Variants in PPP1R35 observed in about 807,000 individuals in gnomAD.
The protein encoded by PPP1R35 is protein phosphatase 1 regulatory subunit 35, also known as UPF0683 protein C7orf47.
A neutral mutation model predicts 22.2 loss-of-function variants in PPP1R35; 23 were observed. The ratio of observed to expected loss-of-function variants is 1.04; its 90% CI spans 0.75 to 1.47. The LOEUF (loss-of-function observed/expected upper bound fraction) is 1.47. Ranked by LOEUF, PPP1R35 falls within the 40% of genes most tolerant of loss-of-function variation. The pLI is 0.00. For synonymous variants in PPP1R35, 198 were observed against 165.7 expected (o/e 1.19, Z -1.50); for missense variants, 409 against 349.6 (o/e 1.17, Z -1.36).
intron 2 of PPP1R35, 27 bp downstream of exon 2, chr7:100,435,821 A>T: frequency 6.4e-7 from 1 of 1,569,852 alleles, no homozygotes; most frequent in Non-Finnish European, 8.6e-7. Flanking sequence ...CGACTCCCGC[A>T]CGCGGCCGGC....
chr7:100,436,685 A>G (rs1584332918), upstream of PPP1R35: 2 of 266,386 alleles, frequency 7.5e-6, no homozygotes, highest in East Asian at 1.3e-4. Flanking sequence ...AGTGTTTTTG[A>G]GCTGGGGTCG....
Position 100,436,472 on chromosome 7 carries a change from C to G in PPP1R35, c.-98G>C. The G allele has an allele frequency of 1.1e-6, 1 of 886,364 alleles. No homozygotes were observed. The highest frequency in any genetic ancestry group is 2.1e-5 in the South Asian group (1 of 47,864). The allele number at this position is 886,364 out of a possible 1,614,324, so 54.9% of individuals were successfully genotyped here. A position where few individuals can be genotyped will look rare whatever the true frequency, so the allele number is the denominator to read the frequency against. ...CTGCCGCCTCCTTTCCCCCGCCCCT[C>G]CTAGACGCCGCTACCGGAAACCGTT... On this transcript the variant is annotated 5_prime_UTR_variant, in exon 1 of 4. Coordinates refer to ENST00000292330, the MANE Select transcript of PPP1R35 (RefSeq NM_145030.4).
chr7:100,435,778 A>G lies in PPP1R35; in HGVS notation c.452-11T>C, dbSNP rs1798861804. ...GCGGCACGTTCAGCCCTGAGAGCGC[A>G]GCGGGGACGGAGGTGAGTGGCGCGC... On this transcript the variant is annotated splice_polypyrimidine_tract_variant and intron_variant, in intron 2 of 3. Coordinates refer to ENST00000292330, the MANE Select transcript of PPP1R35 (RefSeq NM_145030.4). 6.3e-7 allele frequency: 1 copy of G among 1,594,760 alleles called. No homozygotes were observed. Among genetic ancestry groups the G allele is most frequent in the African/African-American group, 1.3e-5 (1 of 74,812 alleles).
At position 100,435,340 on chromosome 7, in the gene PPP1R35, C is replaced by T. The variant is rs1294927842; in HGVS notation, c.*20G>A. ...GTTTAACACAAAAATACGAACTAGC[C>T]CTCCAGGGATCTTTGGGGTCTACGC... On this transcript the variant is annotated 3_prime_UTR_variant, in exon 4 of 4. Coordinates refer to ENST00000292330, the MANE Select transcript of PPP1R35 (RefSeq NM_145030.4). The T allele has an allele frequency of 1.3e-6, 2 of 1,567,734 alleles. No individual in the cohort carries two copies. The highest frequency in any genetic ancestry group is 2.3e-5 in the East Asian group (1 of 44,350).
rs769747688 is a variant in PPP1R35 at position 100,435,500 on chromosome 7, A to C, written c.622T>G (p.Leu208Val). The part of the protein sequence containing the change: ...PPGPGPDMTI[L>V]CDPETLFYES... ...TAAAATAGCGTTTCTGGGTCACACAAGATGGTCATGTCTGGCCCAGGCCCA... is the reference window on the plus strand; with the variant it reads ...TAAAATAGCGTTTCTGGGTCACACACGATGGTCATGTCTGGCCCAGGCCCA... The change falls in exon 4 of 4, where the codon TTG becomes GTG. Residue 208 changes from leucine to valine, a missense_variant. Coordinates refer to ENST00000292330, the MANE Select transcript of PPP1R35 (RefSeq NM_145030.4). The C allele has an allele frequency of 6.2e-7, 1 of 1,614,144 alleles. No individual in the cohort carries two copies. The highest frequency in any genetic ancestry group is 8.5e-7 in the Non-Finnish European group (1 of 1,180,016).
In PPP1R35 at chr7:100,436,160, GCGCCCCGCCGCTC is replaced by G; in HGVS notation, c.202_214del (p.Glu68ArgfsTer12). The G allele has an allele frequency of 8.0e-7, 1 of 1,243,302 alleles. No individual in the cohort carries two copies. The highest frequency in any genetic ancestry group is 1.0e-6 in the Non-Finnish European group (1 of 997,990). The allele number at this position is 1,243,302 out of a possible 1,614,324, so 77.0% of individuals were successfully genotyped here. On this transcript the variant is annotated frameshift_variant, in exon 1 of 4. Coordinates refer to ENST00000292330, the MANE Select transcript of PPP1R35 (RefSeq NM_145030.4). LOFTEE classifies it high-confidence loss of function. Reference sequence around the variant, plus strand: ...GCTCACCTGCCGCCGCTGCCGAGCCGCGCCCCGCCGCTCCGCCCGCCCCTTCCGCCGCCCGGGG... The same window carrying G: ...GCTCACCTGCCGCCGCTGCCGAGCCGCGCCCGCCCCTTCCGCCGCCCGGGG...
chr7:100,435,681 T>G lies in PPP1R35; in HGVS notation c.538A>C (p.Arg180=). The change falls in exon 3 of 4, where the codon AGG becomes CGG. Residue 180 remains arginine (R), a synonymous_variant. Coordinates refer to ENST00000292330, the MANE Select transcript of PPP1R35 (RefSeq NM_145030.4). ...GGCGGCAGGAGAGCCAATTTCTCCC[T>G]GAGCGCGGCATTCAGAACCTGTTCC... ...PEEQVLNAAL[R]EKLALLPPQA... 6.2e-7 allele frequency: 1 copy of G among 1,609,738 alleles called. No homozygotes were observed. Among genetic ancestry groups the G allele is most frequent in the Non-Finnish European group, 8.5e-7 (1 of 1,178,940 alleles).
chr7:100,436,134 C>A lies in PPP1R35; in HGVS notation c.234+7G>T. On this transcript the variant is annotated splice_region_variant and intron_variant, in intron 1 of 3. Transcript: ENST00000292330. ...TCGCGGGCCGGGGGCCAGCCTCCCC[C>A]GCTCACCTGCCGCCGCTGCCGAGCC... 2.3e-6 allele frequency: 3 copies of A among 1,305,618 alleles called. No individual in the cohort carries two copies. Among genetic ancestry groups the A allele is most frequent in the East Asian group, 3.2e-5 (1 of 31,692 alleles). 80.9% of individuals were successfully genotyped at this position (1,305,618 alleles called of 1,614,324 possible). A position where few individuals can be genotyped will look rare whatever the true frequency, so the allele number is the denominator to read the frequency against.
In PPP1R35 at chr7:100,435,988, G is replaced by C; in HGVS notation, c.311C>G (p.Pro104Arg). The change falls in exon 2 of 4, where the codon CCC becomes CGC. Residue 104 changes from proline to arginine, a missense_variant. Transcript: ENST00000292330. ...QPAVPQELEM[P>R]VLKSSLALGL... is the part of the protein sequence containing the mutation. ...CAAGGCCAGGCTGCTCTTCAGCACG[G>C]GCATCTCCAGCTCCTGCGGCACCGC... 1 of 1,564,778 alleles carries C rather than the reference G, an allele frequency of 6.4e-7. No individual in the cohort carries two copies. Among genetic ancestry groups the C allele is most frequent in the Middle Eastern group, 1.7e-4 (1 of 5,782 alleles).
In PPP1R35 at chr7:100,436,163, C is replaced by A; in HGVS notation, c.212G>T (p.Gly71Val). Reference sequence around the variant, plus strand: ...CACCTGCCGCCGCTGCCGAGCCGCGCCCCGCCGCTCCGCCCGCCCCTTCCG... The same window carrying A: ...CACCTGCCGCCGCTGCCGAGCCGCGACCCGCCGCTCCGCCCGCCCCTTCCG... Reference protein sequence around the residue: ...GRRKGRAERRGAARQRRQVRF... With the variant: ...GRRKGRAERRVAARQRRQVRF... The change falls in exon 1 of 4, where the codon GGC (glycine) becomes GTC (valine). Residue 71 changes from glycine (G) to valine (V), a missense_variant. Physicochemically the swap from Gly to Val is moderately radical, Grantham distance 109. Coordinates refer to ENST00000292330, the MANE Select transcript of PPP1R35 (RefSeq NM_145030.4). The A allele has an allele frequency of 8.1e-7, 1 of 1,235,202 alleles. No homozygotes were observed. The highest frequency in any genetic ancestry group is 1.0e-6 in the Non-Finnish European group (1 of 993,340). The allele number at this position is 1,235,202 out of a possible 1,614,324, so 76.5% of individuals were successfully genotyped here.
Position 100,436,351 on chromosome 7 carries a change from T to C in PPP1R35, c.24A>G (p.Ser8=). 1 of 1,430,254 alleles carries C rather than the reference T, an allele frequency of 7.0e-7. No individual in the cohort carries two copies. Among genetic ancestry groups the C allele is most frequent in the Non-Finnish European group, 9.2e-7 (1 of 1,085,244 alleles). The allele number at this position is 1,430,254 out of a possible 1,614,324, so 88.6% of individuals were successfully genotyped here. A position where few individuals can be genotyped will look rare whatever the true frequency, so the allele number is the denominator to read the frequency against. The part of the protein sequence containing the change: MMMGCGE[S]ELKSADGEEA... ...CTTCCCCGTCCGCCGACTTCAGCTC[T>C]GACTCCCCACAACCCATCATCATCT... Residue 8 remains serine (S), a synonymous_variant, in exon 1 of 4, where the codon TCA becomes TCG. Coordinates refer to ENST00000292330, the MANE Select transcript of PPP1R35 (RefSeq NM_145030.4).
rs764953358 is a variant in PPP1R35, at chr7:100,435,879, G to T, written c.420C>A (p.Ile140=). The change falls in exon 2 of 4, where the codon ATC becomes ATA. Residue 140 remains isoleucine, a synonymous_variant. Transcript: ENST00000292330. Reference sequence around the variant, plus strand: ...ACACGCTCTCCTCCAGGCCGCAGCGGATCTGGAACGACTTTCTCAGCTGTT... The same window carrying T: ...ACACGCTCTCCTCCAGGCCGCAGCGTATCTGGAACGACTTTCTCAGCTGTT... The part of the protein sequence containing the change: ...VEEQLRKSFQ[I]RCGLEESVSE... 6.3e-7 allele frequency: 1 copy of T among 1,598,026 alleles called. No individual in the cohort carries two copies. The highest frequency in any genetic ancestry group is 1.3e-5 in the African/African-American group (1 of 74,934).
upstream of PPP1R35, chr7:100,436,587 C>T: frequency 2.5e-6 from 1 of 402,200 alleles, no homozygotes; most frequent in Non-Finnish European, 4.4e-6. Flanking sequence ...CCCAGGTTTC[C>T]GGCAGGCTTC....
Position 100,435,837 on chromosome 7 carries a change from G to C in PPP1R35, c.451+11C>G. 6.3e-7 allele frequency: 1 copy of C among 1,580,908 alleles called. No individual in the cohort carries two copies. Among genetic ancestry groups the C allele is most frequent in the Non-Finnish European group, 8.5e-7 (1 of 1,169,806 alleles). On this transcript the variant is annotated intron_variant, in intron 2 of 3. Transcript: ENST00000292330. ...GACTCCCGCACGCGGCCGGCCGCCCGCCCCCCTCACCCTCGGACACGCTCT... is the reference window on the plus strand; with the variant it reads ...GACTCCCGCACGCGGCCGGCCGCCCCCCCCCCTCACCCTCGGACACGCTCT...
Position 100,435,709 on chromosome 7 carries a change from C to T in PPP1R35, c.510G>A (p.Pro170=), listed in dbSNP as rs960112418. 6.9e-6 allele frequency: 11 copies of T among 1,605,084 alleles called. No individual in the cohort carries two copies. Among genetic ancestry groups the T allele is most frequent in the Non-Finnish European group, 8.5e-6 (10 of 1,177,622 alleles). Residue 170 remains proline (P), a synonymous_variant, in exon 3 of 4, where the codon CCG becomes CCA. Transcript: ENST00000292330. ...LFRDLVSLQV[P]EEQVLNAALR... ...GCGCGGCATTCAGAACCTGTTCCTC[C>T]GGCACCTGCAGGCTCACCAGGTCCC...
chr7:100,435,617 C>T lies in PPP1R35; in HGVS notation c.588+14G>A. 1 of 1,613,682 alleles carries T rather than the reference C, an allele frequency of 6.2e-7. No individual in the cohort carries two copies. ...GGGGTACATGGAGGAAGCCCCACGC[C>T]CAGACCCCATCACCTTTGGGTGCGG... is the stretch of plus-strand genomic sequence containing the variant. On this transcript the variant is annotated intron_variant, in intron 3 of 3. Coordinates refer to ENST00000292330, the MANE Select transcript of PPP1R35 (RefSeq NM_145030.4).
At position 100,436,433 on chromosome 7, in the gene PPP1R35, G is replaced by A. The variant is rs1473147657; in HGVS notation, c.-59C>T. On this transcript the variant is annotated 5_prime_UTR_variant, in exon 1 of 4. Coordinates refer to ENST00000292330, the MANE Select transcript of PPP1R35 (RefSeq NM_145030.4). ...GGGTCGCAGACGCTCCAACGGTCAGGGGACACAGCCTGGCTGCCGCCTCCT... is the reference window on the plus strand; with the variant it reads ...GGGTCGCAGACGCTCCAACGGTCAGAGGACACAGCCTGGCTGCCGCCTCCT... 26 of 1,292,378 alleles carry A rather than the reference G, an allele frequency of 2.0e-5. No homozygotes were observed. Among genetic ancestry groups the A allele is most frequent in the Non-Finnish European group, 2.7e-5 (26 of 965,680 alleles). The allele number at this position is 1,292,378 out of a possible 1,614,324, so 80.1% of individuals were successfully genotyped here. A position where few individuals can be genotyped will look rare whatever the true frequency, so the allele number is the denominator to read the frequency against.
In PPP1R35 at chr7:100,436,292, G is replaced by T; in HGVS notation, c.83C>A (p.Pro28His). Reference protein sequence around the residue: ...AAAVPGPPPEPQVPQLRAPVP... With the variant: ...AAAVPGPPPEHQVPQLRAPVP... ...TGGGGCTCGGAGTTGCGGGACTTGGGGCTCCGGGGGTGGCCCCGGGACCGC... is the reference window on the plus strand; with the variant it reads ...TGGGGCTCGGAGTTGCGGGACTTGGTGCTCCGGGGGTGGCCCCGGGACCGC... The change falls in exon 1 of 4, where the codon CCC becomes CAC. Residue 28 changes from proline to histidine, a missense_variant. Pro to His is a moderately conservative substitution (Grantham distance 77, BLOSUM62 -2). Coordinates refer to ENST00000292330, the MANE Select transcript of PPP1R35 (RefSeq NM_145030.4). The T allele has an allele frequency of 2.9e-6, 4 of 1,368,396 alleles. No individual in the cohort carries two copies. Among genetic ancestry groups the T allele is most frequent in the Non-Finnish European group, 2.8e-6 (3 of 1,053,108 alleles). 84.8% of individuals were successfully genotyped at this position (1,368,396 alleles called of 1,614,324 possible).
At position 100,436,404 on chromosome 7, in the gene PPP1R35, G is replaced by T; in HGVS notation, c.-30C>A. 3 of 1,469,036 alleles carry T rather than the reference G, an allele frequency of 2.0e-6. No homozygotes were observed. Among genetic ancestry groups the T allele is most frequent in the Non-Finnish European group, 1.8e-6 (2 of 1,100,394 alleles). The allele number at this position is 1,469,036 out of a possible 1,614,324, so 91.0% of individuals were successfully genotyped here. ...GGAGGTGCCTTGAGGGTGCGGGGATGCGGGGGTCGCAGACGCTCCAACGGT... is the reference window on the plus strand; with the variant it reads ...GGAGGTGCCTTGAGGGTGCGGGGATTCGGGGGTCGCAGACGCTCCAACGGT... On this transcript the variant is annotated 5_prime_UTR_variant, in exon 1 of 4. Transcript: ENST00000292330.
Sources: allele counts gnomAD v4.1 joint callset, GRCh38; gene constraint gnomAD v4.1.1; transcripts MANE v1.5; gene names NCBI Gene and HGNC (gene_info 2026-07-23, HGNC 2026-07-21).